Variants in RAB27B observed in about 807,000 individuals in gnomAD.
RAB27B encodes RAB27B, member RAS oncogene family.
RAB27B carries 15 observed loss-of-function variants against 24.6 expected under a neutral mutation model. The observed-to-expected ratio is 0.61, with a 90% CI of 0.41 to 0.94. The LOEUF is 0.94. RAB27B is among the 40% of genes least tolerant of loss of function. RAB27B has a pLI of 0.00. For synonymous variants in RAB27B, 105 were observed against 92.5 expected (o/e 1.14, Z -0.78); for missense variants, 261 against 266.8 (o/e 0.98, Z 0.15).
In RAB27B at chr18:54,890,988, T is replaced by TG. The variant is rs937773137; in HGVS notation, c.*1575_*1576insG. On this transcript the variant is annotated 3_prime_UTR_variant, in exon 6 of 6. Coordinates refer to ENST00000262094, the MANE Select transcript of RAB27B (RefSeq NM_004163.4). ...AAATAACAAAGACAATATATTTTCG[T>TG]TTTTTTTTATTATGAGCATATGATT... 0.12 allele frequency: 126 copies of TG among 1,084 alleles called. No homozygotes were observed. Among genetic ancestry groups the TG allele is most frequent in the African/African-American group, 0.14 (121 of 878 alleles). The allele number at this position is 1,084 out of a possible 1,614,324, so 0.1% of individuals were successfully genotyped here.
intron 2 of RAB27B, chr18:54,745,690 A>G (rs1490736520): frequency 1.3e-5 from 2 of 151,526 alleles, no homozygotes; most frequent in Non-Finnish European, 2.9e-5. Flanking sequence ...AAAATTTTTA[A>G]AAGAGTCATT....
At chr18:54,840,723 T>G (rs1911074662) in intron 1 of RAB27B, among the ~76,000 whole-genome samples, 1 of 152,160 alleles carries the variant, frequency 6.6e-6, no homozygotes, top group African/African-American at 2.4e-5. Context: ...TCCTGTAGAG[T>G]TTCTAAGTCC....
chr18:54,801,627 G>A lies in RAB27B; in HGVS notation c.-19-75940G>A, dbSNP rs560270566. Among the ~76,000 whole-genome samples the A allele has an allele frequency of 5.3e-5, 8 of 152,224 alleles. 1 individual carries two copies. In the South Asian group the frequency reaches 1.7e-3, roughly 32 times the overall value. On this transcript the variant is annotated intron_variant, in intron 2 of 4. Coordinates refer to the RAB27B transcript ENST00000586570. ...ACGATTCTTTGTTGGGGCTTGGGAA[G>A]TTGTCCAGTACATTTCAGGATGATT...
In RAB27B at chr18:54,783,038, A is replaced by G. The variant is rs367691982; in HGVS notation, c.-20+64897A>G. On this transcript the variant is annotated intron_variant, in intron 2 of 4. Coordinates refer to the RAB27B transcript ENST00000586570. ...AGTGGTGTGATCTCAGCTCACCACA[A>G]CCTCCACTTCCTGGGTTCAAACGAT... 1.9e-4 allele frequency among the ~76,000 whole-genome samples: 29 copies of G among 151,972 alleles called. 1 individual carries two copies. The East Asian group carries it at 4.6e-3, about 24-fold the overall frequency.
chr18:54,835,071 G>T (rs563929851), intron 1 of RAB27B, among the ~76,000 whole-genome samples: 5 of 151,932 alleles, frequency 3.3e-5, no homozygotes, highest in Admixed American at 3.3e-4. Flanking sequence ...AGTTCTTATG[G>T]TCTATTATTC....
chr18:54,760,981 A>G (rs1229770765), intron 2 of RAB27B, among the ~76,000 whole-genome samples: 1 of 140,954 alleles, frequency 7.1e-6, no homozygotes, highest in Non-Finnish European at 1.6e-5. Flanking sequence ...GGCAACTGTT[A>G]AAGGAGAGGT....
At chr18:54,830,805 C>A (rs1192750494) in intron 1 of RAB27B, among the ~76,000 whole-genome samples, 1 of 152,180 alleles carries the variant, frequency 6.6e-6, no homozygotes, top group Admixed American at 6.5e-5. Context: ...CCCATTGGCA[C>A]TCCTTAAATA....
intron 2 of RAB27B, among the ~76,000 whole-genome samples, chr18:54,736,481 A>AG (rs1555651539): frequency 1.3e-4 from 20 of 152,068 alleles, no homozygotes; most frequent in African/African-American, 4.3e-4. Context: ...TAAAAAAAAA[A>AG]GGCTATTAAT....
intron 2 of RAB27B, among the ~76,000 whole-genome samples, chr18:54,771,891 T>C (rs1908563097): frequency 6.6e-6 from 1 of 152,170 alleles, no homozygotes; most frequent in Admixed American, 6.6e-5. Flanking sequence ...TTGTTTTATT[T>C]ATGATGTTGG....
intron 1 of RAB27B, among the ~76,000 whole-genome samples, chr18:54,833,230 C>CTT (rs759972968): frequency 1.1e-5 from 1 of 94,748 alleles, no homozygotes; most frequent in Admixed American, 1.2e-4. Flanking sequence ...TTTTTTCTTT[C>CTT]TTTCTTTTTT....
At chr18:54,726,291 G>A (rs144384933) in intron 2 of RAB27B, among the ~76,000 whole-genome samples, 1 of 151,630 alleles carries the variant, frequency 6.6e-6, no homozygotes, top group Non-Finnish European at 1.5e-5. Flanking sequence ...AGGTGATACT[G>A]CCATTAAACT....
intron 2 of RAB27B, among the ~76,000 whole-genome samples, chr18:54,771,265 AAAC>A (rs1171360089): frequency 6.6e-6 from 1 of 152,236 alleles, no homozygotes; most frequent in East Asian, 1.9e-4. Context: ...TGATATAAAA[AAAC>A]TGCACATGTT....
At chr18:54,791,793 G>A (rs1449902185) in intron 2 of RAB27B, among the ~76,000 whole-genome samples, 5 of 152,212 alleles carry the variant, frequency 3.3e-5, no homozygotes, top group African/African-American at 1.2e-4. Context: ...GCTGGACAGA[G>A]AGAGGACATC....
intron 2 of RAB27B, among the ~76,000 whole-genome samples, chr18:54,757,426 A>G (rs1214561899): frequency 1.3e-5 from 2 of 152,208 alleles, no homozygotes; most frequent in Non-Finnish European, 2.9e-5. Context: ...CGCAATTATC[A>G]TACCTTTTGA....
At chr18:54,784,491 C>G (rs1244418712) in intron 2 of RAB27B, among the ~76,000 whole-genome samples, 1 of 152,126 alleles carries the variant, frequency 6.6e-6, no homozygotes. Flanking sequence ...TCTATTGTTC[C>G]CATCTTTGTG....
At chr18:54,875,130 C>T (rs528988119) in intron 1 of RAB27B, among the ~76,000 whole-genome samples, 24 of 152,210 alleles carry the variant, frequency 1.6e-4, no homozygotes, top group African/African-American at 4.8e-4. Flanking sequence ...TGAAACCAGC[C>T]TGGGCAACAT....
chr18:54,841,369 G>A (rs1219837858), intron 1 of RAB27B, among the ~76,000 whole-genome samples: 1 of 152,082 alleles, frequency 6.6e-6, no homozygotes, highest in Admixed American at 6.5e-5. Context: ...CATTTACATT[G>A]CATTAGGTAT....
intron 2 of RAB27B, among the ~76,000 whole-genome samples, chr18:54,807,644 G>A (rs144078463): frequency 6.6e-6 from 1 of 152,216 alleles, no homozygotes; most frequent in East Asian, 1.9e-4. Flanking sequence ...CACCTTTGTG[G>A]TATTTAAGTA....
At chr18:54,885,357 G>A (rs367750379) in intron 4 of RAB27B, among the ~76,000 whole-genome samples, 3 of 151,910 alleles carry the variant, frequency 2.0e-5, no homozygotes, top group Non-Finnish European at 2.9e-5. Flanking sequence ...CATCTTACCC[G>A]GAATAAAATC....
Sources: allele counts gnomAD v4.1 joint callset (sites outside exome capture counted in the v4.1 genomes callset), GRCh38; gene constraint gnomAD v4.1.1; transcripts MANE v1.5; gene names NCBI Gene and HGNC (gene_info 2026-07-23, HGNC 2026-07-21).